TRIP12: variants seen among roughly 807,000 people sequenced by gnomAD.
The protein encoded by TRIP12 is thyroid hormone receptor interactor 12.
A neutral mutation model predicts 244.2 loss-of-function variants in TRIP12; 25 were observed. That is an observed-to-expected ratio of 0.10 (90% CI 0.07 to 0.14). The LOEUF (loss-of-function observed/expected upper bound fraction) is 0.14, where lower values mean the gene tolerates loss of function less well. Ranked by LOEUF, TRIP12 falls within the 10% of genes least tolerant of loss-of-function variation. TRIP12 has a pLI of 1.00. For missense variants in TRIP12, 1,677 were observed against 2,486.4 expected (o/e 0.67, Z 6.92); for synonymous variants, 905 against 873.1 (o/e 1.04, Z -0.64).
chr2:229,850,187 T>C (rs1239600559), intron 4 of TRIP12, among the ~76,000 whole-genome samples: 2 of 152,346 alleles, frequency 1.3e-5, no homozygotes, highest in South Asian at 2.1e-4. Context: ...CATGGCCATT[T>C]ATAATTTCCA....
intron 9 of TRIP12, among the ~76,000 whole-genome samples, chr2:229,817,701 G>C (rs1277575995): frequency 2.0e-5 from 3 of 152,074 alleles, no homozygotes; most frequent in African/African-American, 7.2e-5. Context: ...TCAAGTGACT[G>C]TCCTGCCTCA....
At chr2:229,836,749 A>C (rs1257767937) in intron 6 of TRIP12, 99 bp downstream of exon 6, 2 of 1,335,516 alleles carry the variant, frequency 1.5e-6, no homozygotes, top group Non-Finnish European at 2.0e-6. Flanking sequence ...CAGAACAAGA[A>C]GTTTATACGA....
intron 4 of TRIP12, among the ~76,000 whole-genome samples, chr2:229,857,619 C>G (rs1223732947): frequency 6.7e-6 from 1 of 148,924 alleles, no homozygotes; most frequent in Non-Finnish European, 1.5e-5. Context: ...TCCTGGGCAA[C>G]AGAGTGAGAC....
At chr2:229,906,509 CA>C (rs1256374824) in intron 1 of TRIP12, among the ~76,000 whole-genome samples, 1 of 151,180 alleles carries the variant, frequency 6.6e-6, no homozygotes, top group African/African-American at 2.4e-5. Context: ...ATCATGAGGT[CA>C]AGAGATCGAG....
At chr2:229,912,677 C>T (rs1006544892) in intron 1 of TRIP12, among the ~76,000 whole-genome samples, 5 of 152,182 alleles carry the variant, frequency 3.3e-5, no homozygotes, top group African/African-American at 1.2e-4. Flanking sequence ...GTATAAAACT[C>T]GATCTTGTAC....
At chr2:229,817,629 G>C (rs2154286385) in intron 9 of TRIP12, among the ~76,000 whole-genome samples, 1 of 152,088 alleles carries the variant, frequency 6.6e-6, no homozygotes, top group East Asian at 1.9e-4. Context: ...GCCCAGGCTG[G>C]AGTGCAGTGG....
At chr2:229,846,014 C>CAAA (rs34840494) in intron 4 of TRIP12, among the ~76,000 whole-genome samples, 1,224 of 117,442 alleles carry the variant, frequency 0.01, 23 homozygotes, top group Middle Eastern at 0.034. Context: ...CTCTTTTTTT[C>CAAA]AAAAAAAAAA....
chr2:229,886,023 G>A (rs975153910), intron 1 of TRIP12, among the ~76,000 whole-genome samples: 9 of 152,114 alleles, frequency 5.9e-5, no homozygotes, highest in East Asian at 1.9e-4. Flanking sequence ...AAAGAAAAAC[G>A]GGGGAAATCA....
At chr2:229,907,740 C>A (rs1415197807) in intron 1 of TRIP12, among the ~76,000 whole-genome samples, 1 of 151,960 alleles carries the variant, frequency 6.6e-6, no homozygotes, top group East Asian at 1.9e-4. Context: ...AAGTTCGAAG[C>A]TGCAGTGAGA....
chr2:229,861,432 A>C (rs1184977393), intron 2 of TRIP12, among the ~76,000 whole-genome samples: 3 of 152,328 alleles, frequency 2.0e-5, no homozygotes, highest in African/African-American at 7.2e-5. Context: ...TAACAAATGC[A>C]ATTTATGTAA....
chr2:229,864,047 A>AGAGAGAGTGTGAGT, intron 2 of TRIP12, among the ~76,000 whole-genome samples: 6 of 79,290 alleles, frequency 7.6e-5, no homozygotes, highest in Non-Finnish European at 1.3e-4. Flanking sequence ...AGAGAGAGAG[A>AGAGAGAGTGTGAGT]GTGTGTGTGT....
chr2:229,799,124 A>G, intron 22 of TRIP12, 75 bp from the exon 23 acceptor site: 1 of 1,551,908 alleles, frequency 6.4e-7, no homozygotes, highest in South Asian at 1.2e-5. Flanking sequence ...TTTAAGATTC[A>G]CAGTCTTAAC....
intron 4 of TRIP12, among the ~76,000 whole-genome samples, chr2:229,852,772 G>A (rs145769673): frequency 1.9e-4 from 29 of 152,206 alleles, no homozygotes; most frequent in East Asian, 3.9e-4. Context: ...GTGCCTCGCC[G>A]GGAACTTGTT....
At chr2:229,793,789 C>T (rs2042131984) in intron 26 of TRIP12, among the ~76,000 whole-genome samples, 1 of 152,130 alleles carries the variant, frequency 6.6e-6, no homozygotes, top group African/African-American at 2.4e-5. Flanking sequence ...CCACATGCAG[C>T]CCAGATGGCT....
chr2:229,854,748 A>C (rs2059302333), intron 4 of TRIP12, among the ~76,000 whole-genome samples: 1 of 152,344 alleles, frequency 6.6e-6, no homozygotes, highest in East Asian at 1.9e-4. Context: ...ACATTTAATC[A>C]TGCCTAAAAT....
chr2:229,786,423 G>GC (rs2040032738), intron 33 of TRIP12, among the ~76,000 whole-genome samples: 1 of 145,334 alleles, frequency 6.9e-6, no homozygotes, highest in African/African-American at 2.6e-5. Context: ...TTTTTAGGTG[G>GC]CGTCTCGCTC....
chr2:229,917,145 C>T (rs368023132), intron 1 of TRIP12, among the ~76,000 whole-genome samples: 1 of 152,184 alleles, frequency 6.6e-6, no homozygotes, highest in East Asian at 1.9e-4. Context: ...CTTTGGGAGT[C>T]CAAGGCGGGT....
rs13028725 is a variant in TRIP12, at chr2:229,830,076, A to C, written c.1354+680T>G. Among the ~76,000 whole-genome samples, 1,087 of 152,360 alleles carry C rather than the reference A, an allele frequency of 7.1e-3. 16 individuals are homozygous for C. Among genetic ancestry groups the C allele is most frequent in the African/African-American group, 0.024 (1,002 of 41,592 alleles). On this transcript the variant is annotated intron_variant, in intron 7 of 41. Transcript: ENST00000675903. Reference sequence around the variant, plus strand: ...AAATAATACATTTATTGTAAGCCTCACACTGAGATCTGTTATAAATCAAAT... The same window carrying C: ...AAATAATACATTTATTGTAAGCCTCCCACTGAGATCTGTTATAAATCAAAT...
chr2:229,884,516 C>T (rs939240510), intron 1 of TRIP12, among the ~76,000 whole-genome samples: 5 of 152,052 alleles, frequency 3.3e-5, no homozygotes, highest in African/African-American at 7.2e-5. Context: ...CAATTACAGG[C>T]GTGGACCACT....
Sources: allele counts gnomAD v4.1 joint callset (sites outside exome capture counted in the v4.1 genomes callset), GRCh38; gene constraint gnomAD v4.1.1; transcripts MANE v1.5; gene names NCBI Gene and HGNC (gene_info 2026-07-23, HGNC 2026-07-21).